The following SMAD6 variants were observed in gnomAD, a reference collection of about 807,000 sequenced individuals.
SMAD6 encodes the protein SMAD family member 6.
SMAD6 carries 103 observed loss-of-function variants against 39.4 expected under a neutral mutation model. The observed-to-expected ratio is 2.62, with a 90% confidence interval of 2.23 to 3.08. The LOEUF (loss-of-function observed/expected upper bound fraction) is 3.08. Among genes scored for constraint, SMAD6 ranks in the 30% most tolerant of loss-of-function variants. The pLI is 0.00. For synonymous variants in SMAD6, 445 were observed against 353.3 expected, an observed-to-expected ratio of 1.26 and a Z score of -2.91; for missense variants, 1,104 against 742.9, an observed-to-expected ratio of 1.49 and a Z score of -5.65.
At chr15:66,706,113 G>A (rs533071735) in intron 1 of SMAD6, 4 of 152,426 alleles carry the variant, frequency 2.6e-5, no homozygotes, top group South Asian at 2.1e-4. Flanking sequence ...AGAGGTACAG[G>A]TCAAGAGATA....
rs1338284529 is a variant in SMAD6 at position 66,781,545 on chromosome 15, C to T, written c.*10C>T. The T allele has an allele frequency of 1.7e-6, 2 of 1,165,596 alleles. No homozygotes were observed. Among genetic ancestry groups the T allele is most frequent in the East Asian group, 4.0e-5 (1 of 24,998 alleles). 72.2% of individuals were successfully genotyped at this position (1,165,596 alleles called of 1,614,324 possible). ...CAACAACCCCAGATAGTGGCGGCCC[C>T]GGCGGGAGGGGCGGGTGGGAGGCCG... On this transcript the variant is annotated 3_prime_UTR_variant, in exon 4 of 4. Coordinates refer to ENST00000288840, the MANE Select transcript of SMAD6 (RefSeq NM_005585.5).
chr15:66,722,544 C>G (rs1393974965), intron 3 of SMAD6, among the ~76,000 whole-genome samples: 1 of 152,198 alleles, frequency 6.6e-6, no homozygotes, highest in African/African-American at 2.4e-5. Flanking sequence ...AGACTGATAC[C>G]AATTGTGGCC....
At chr15:66,707,146 C>G (rs192462541) in intron 1 of SMAD6, 1 of 152,212 alleles carries the variant, frequency 6.6e-6, no homozygotes, top group African/African-American at 2.4e-5. Flanking sequence ...TCGCTGAGCT[C>G]GGTGGGTGCC....
At chr15:66,727,118 A>G (rs879902270) in intron 3 of SMAD6, among the ~76,000 whole-genome samples, 1 of 130,008 alleles carries the variant, frequency 7.7e-6, no homozygotes, top group Admixed American at 7.8e-5. Flanking sequence ...TTTTTTTTTG[A>G]GACAGAGTCT....
rs375823835 is a variant in SMAD6, at chr15:66,723,964, T to A, written c.952+7466T>A. ...ACAGAGAAGGTGATTCTGAGTTGGG[T>A]TTTGTAGGATGACTAAGAGTTCACC... On this transcript the variant is annotated intron_variant, in intron 3 of 3. Transcript: ENST00000288840. Among the ~76,000 whole-genome samples the A allele has an allele frequency of 7.2e-5, 11 of 152,086 alleles. No homozygotes were observed. The East Asian group carries it at 1.5e-3, about 21-fold the overall frequency.
intron 3 of SMAD6, among the ~76,000 whole-genome samples, chr15:66,734,932 A>G (rs1032874805): frequency 2.0e-5 from 3 of 152,264 alleles, no homozygotes; most frequent in Non-Finnish European, 2.9e-5. Flanking sequence ...CTGCCGTAGC[A>G]GGTTCCATGG....
intron 3 of SMAD6, among the ~76,000 whole-genome samples, chr15:66,751,008 CA>C (rs1163807530): frequency 1.3e-5 from 2 of 152,164 alleles, no homozygotes; most frequent in African/African-American, 4.8e-5. Context: ...ATGAGTAACC[CA>C]GAGACACCCC....
chr15:66,703,287 T>G lies in SMAD6; in HGVS notation c.29T>G (p.Val10Gly), dbSNP rs1426799911. 5 of 1,489,844 alleles carry G rather than the reference T, an allele frequency of 3.4e-6. No individual in the cohort carries two copies. The highest frequency in any genetic ancestry group is 2.9e-5 in the African/African-American group (2 of 68,338). 92.3% of individuals were successfully genotyped at this position (1,489,844 alleles called of 1,614,324 possible). A position where few individuals can be genotyped will look rare whatever the true frequency, so the allele number is the denominator to read the frequency against. The change falls in exon 1 of 4, where the codon GTG becomes GGG. Residue 10 changes from valine to glycine, a missense_variant. Coordinates refer to ENST00000288840, the MANE Select transcript of SMAD6 (RefSeq NM_005585.5). MFRSKRSGL[V>G]RRLWRSRVVP... ...TTCAGGTCCAAACGCTCGGGGCTGG[T>G]GCGGCGACTTTGGCGAAGTCGTGTG...
intron 3 of SMAD6, among the ~76,000 whole-genome samples, 163 bp from the exon 4 acceptor site, chr15:66,780,834 A>G (rs1019858145): frequency 2.0e-5 from 3 of 152,056 alleles, no homozygotes; most frequent in Admixed American, 6.5e-5. Flanking sequence ...GTTGTGCGCC[A>G]TATTTCCTGA....
intron 3 of SMAD6, among the ~76,000 whole-genome samples, chr15:66,778,936 G>T (rs1194816293): frequency 6.6e-6 from 1 of 152,204 alleles, no homozygotes; most frequent in Non-Finnish European, 1.5e-5. Flanking sequence ...TCGCTTCTTT[G>T]CATCCCCACC....
chr15:66,745,891 CCT>C (rs1240165553), intron 3 of SMAD6, among the ~76,000 whole-genome samples: 4 of 152,202 alleles, frequency 2.6e-5, no homozygotes, highest in Admixed American at 1.3e-4. Flanking sequence ...CCTTTCAATT[CCT>C]CTGTTTTCCC....
chr15:66,733,391 T>C (rs917918919), intron 3 of SMAD6, among the ~76,000 whole-genome samples: 1 of 152,266 alleles, frequency 6.6e-6, no homozygotes, highest in Non-Finnish European at 1.5e-5. Context: ...AGCATCATTG[T>C]CATTTTGACA....
At chr15:66,762,696 T>G (rs1396927101) in intron 3 of SMAD6, among the ~76,000 whole-genome samples, 2 of 152,076 alleles carry the variant, frequency 1.3e-5, no homozygotes, top group Non-Finnish European at 2.9e-5. Flanking sequence ...CAGTGGATGC[T>G]CAGATTCCAG....
In SMAD6 at chr15:66,781,458, T is replaced by C. The variant is rs1164133367; in HGVS notation, c.1414T>C (p.Trp472Arg). The C allele has an allele frequency of 1.2e-6, 2 of 1,603,440 alleles. No homozygotes were observed. The highest frequency in any genetic ancestry group is 2.2e-5 in the East Asian group (1 of 44,640). Residue 472 changes from tryptophan to arginine, a missense_variant, in exon 4 of 4, where the codon TGG becomes CGG. By Grantham distance (101) the Trp-to-Arg change is moderately radical. Transcript: ENST00000288840. ...CGTCCGCATCAGCTTCGCCAAGGGC[T>C]GGGGGCCCTGCTACTCCCGGCAGTT... is the stretch of plus-strand genomic sequence containing the variant. ...NSVRISFAKG[W>R]GPCYSRQFIT...
chr15:66,781,834 T>A lies in SMAD6; in HGVS notation c.*299T>A. The A allele has an allele frequency of 2.5e-6, 1 of 398,794 alleles. No individual in the cohort carries two copies. The highest frequency in any genetic ancestry group is 4.4e-6 in the Non-Finnish European group (1 of 226,052). The allele number at this position is 398,794 out of a possible 1,614,324, so 24.7% of individuals were successfully genotyped here. ...TACAGATATATTTTCTTTCTCTTCC[T>A]CCTTCCTCTTCCTTACTTTTTATAT... On this transcript the variant is annotated 3_prime_UTR_variant, in exon 4 of 4. Coordinates refer to ENST00000288840, the MANE Select transcript of SMAD6 (RefSeq NM_005585.5).
chr15:66,721,903 A>G (rs1893439752), intron 3 of SMAD6, among the ~76,000 whole-genome samples: 2 of 152,322 alleles, frequency 1.3e-5, no homozygotes, highest in Admixed American at 6.5e-5. Flanking sequence ...TAGCTGGGGA[A>G]GGCTTCCTGG....
chr15:66,746,874 C>T (rs1267077329), intron 3 of SMAD6, among the ~76,000 whole-genome samples: 1 of 152,196 alleles, frequency 6.6e-6, no homozygotes, highest in East Asian at 1.9e-4. Context: ...ATGTGATTCA[C>T]AGACCCTTCA....
rs16950227 is a variant in SMAD6, at chr15:66,771,939, G to A, written c.953-9058G>A. Among the ~76,000 whole-genome samples the A allele has an allele frequency of 7.7e-3, 1,169 of 152,288 alleles. 19 individuals are homozygous for A. The highest frequency in any genetic ancestry group is 0.027 in the African/African-American group (1,129 of 41,572). On this transcript the variant is annotated intron_variant, in intron 3 of 3. Transcript: ENST00000288840. The stretch of plus-strand genomic sequence containing the variant: ...AAAAGTGTGTTTCCAGGGCTGCATA[G>A]GGTACCAGAAACAGCTGTTAAGGTG...
intron 3 of SMAD6, among the ~76,000 whole-genome samples, chr15:66,754,375 C>A (rs1894060459): frequency 6.6e-6 from 1 of 152,198 alleles, no homozygotes; most frequent in Non-Finnish European, 1.5e-5. Flanking sequence ...TTCATACTTG[C>A]ATCTTCTAAA....
Sources: gnomAD v4.1 joint callset for allele counts (sites outside exome capture counted in the v4.1 genomes callset) on GRCh38, gnomAD v4.1.1 for gene constraint, MANE v1.5 for transcripts, NCBI Gene and HGNC (gene_info 2026-07-23, HGNC 2026-07-21) for gene names.